The following PHIP variants were observed in gnomAD, a reference collection of about 807,000 sequenced individuals.
PHIP encodes PHIP subunit of CUL4-Ring ligase complex, also known as PH-interacting protein.
PHIP carries 54 observed loss-of-function variants against 236.8 expected under a neutral mutation model. The ratio of observed to expected loss-of-function variants is 0.23; its 90% CI spans 0.18 to 0.29. PHIP has a LOEUF of 0.29. PHIP is among the 10% of genes least tolerant of loss of function. The probability of loss-of-function intolerance (pLI) is 1.00; values close to 1 mark genes in which losing one functional copy is unlikely to be tolerated. For missense variants in PHIP, 1,370 were observed against 2,190.8 expected (o/e 0.63, Z 7.48); for synonymous variants, 756 against 718.9 (o/e 1.05, Z -0.83).
At chr6:78,990,703 A>T (rs1208286970) in intron 20 of PHIP, among the ~76,000 whole-genome samples, 165 bp downstream of exon 20, 2 of 152,212 alleles carry the variant, frequency 1.3e-5, no homozygotes, top group Admixed American at 6.5e-5. Context: ...GGAATTAAAA[A>T]TTTTAAATAG....
intron 15 of PHIP, among the ~76,000 whole-genome samples, chr6:79,012,070 T>C (rs1770605894): frequency 6.6e-6 from 1 of 151,656 alleles, no homozygotes; most frequent in Non-Finnish European, 1.5e-5. Context: ...TTTTTGGCTA[T>C]TTCTAAAATT....
Position 79,069,361 on chromosome 6 carries a change from G to T in PHIP, c.189+8087C>A, listed in dbSNP as rs183916357. ...ATTATATCTATAATCTTTAAAGAAA[G>T]AATGCATTTTCTGATTTTTTAACTG... On this transcript the variant is annotated intron_variant, in intron 4 of 39. Coordinates refer to ENST00000275034, the MANE Select transcript of PHIP (RefSeq NM_017934.7). Among the ~76,000 whole-genome samples, 549 of 151,856 alleles carry T rather than the reference G, an allele frequency of 3.6e-3. 5 individuals are homozygous for T. The highest frequency in any genetic ancestry group is 0.013 in the African/African-American group (519 of 41,466).
intron 23 of PHIP, 66 bp downstream of exon 23, chr6:78,982,820 C>G: frequency 1.1e-6 from 1 of 943,964 alleles, no homozygotes; most frequent in Non-Finnish European, 1.6e-6. Context: ...ATCAATTGTA[C>G]TTCAAGATGT....
intron 10 of PHIP, 83 bp from the exon 11 acceptor site, chr6:79,017,666 T>G (rs921061271): frequency 9.3e-5 from 84 of 901,460 alleles, no homozygotes; most frequent in Non-Finnish European, 1.4e-4. Context: ...GTAAGCAAAA[T>G]TACAGTATAT....
In PHIP at chr6:78,939,311, G is replaced by A. The variant is rs1773381684; in HGVS notation, c.*1382C>T. The A allele has an allele frequency of 6.6e-6, 1 of 151,616 alleles. No homozygotes were observed. The highest frequency in any genetic ancestry group is 2.4e-5 in the African/African-American group (1 of 41,394). The allele number at this position is 151,616 out of a possible 1,614,324, so 9.4% of individuals were successfully genotyped here. A position where few individuals can be genotyped will look rare whatever the true frequency, so the allele number is the denominator to read the frequency against. ...AGAATACAAGGCACAATCATTAAATGGAGTTTTTCTTTAGGGTGTATATTG... is the reference window on the plus strand; with the variant it reads ...AGAATACAAGGCACAATCATTAAATAGAGTTTTTCTTTAGGGTGTATATTG... On this transcript the variant is annotated 3_prime_UTR_variant, in exon 40 of 40. Coordinates refer to ENST00000275034, the MANE Select transcript of PHIP (RefSeq NM_017934.7).
intron 24 of PHIP, 85 bp from the exon 25 acceptor site, chr6:78,970,973 A>G (rs1303941434): frequency 1.9e-5 from 16 of 831,688 alleles, no homozygotes; most frequent in Non-Finnish European, 3.8e-6. Flanking sequence ...TGCAAAGAGA[A>G]AATCTAATGC....
intron 12 of PHIP, among the ~76,000 whole-genome samples, chr6:79,017,047 T>C (rs942385670): frequency 2.6e-5 from 4 of 151,976 alleles, no homozygotes; most frequent in Non-Finnish European, 4.4e-5. Context: ...TTAAATATTA[T>C]ACTGTGATAC....
intron 19 of PHIP, among the ~76,000 whole-genome samples, chr6:78,991,353 T>C (rs772494720): frequency 2.4e-4 from 29 of 121,352 alleles, no homozygotes; most frequent in Non-Finnish European, 5.1e-4. Flanking sequence ...GATAATCTTC[T>C]GTTCCATATA....
intron 39 of PHIP, among the ~76,000 whole-genome samples, chr6:78,944,203 A>C (rs1312600355): frequency 6.6e-6 from 1 of 152,124 alleles, no homozygotes; most frequent in African/African-American, 2.4e-5. Flanking sequence ...AAAGAGAGAA[A>C]GAAGGTAAAA....
chr6:79,069,284 TA>T (rs1225537312), intron 4 of PHIP, among the ~76,000 whole-genome samples: 1 of 151,172 alleles, frequency 6.6e-6, no homozygotes, highest in Non-Finnish European at 1.5e-5. Flanking sequence ...CCTAAAATTC[TA>T]AAAACATCCA....
intron 15 of PHIP, among the ~76,000 whole-genome samples, chr6:79,009,053 G>A (rs1770440700): frequency 1.3e-5 from 2 of 151,948 alleles, no homozygotes; most frequent in Non-Finnish European, 2.9e-5. Flanking sequence ...ACTAATTAAA[G>A]TAGTTGTCCT....
At chr6:78,971,813 T>A (rs1255229683) in intron 24 of PHIP, among the ~76,000 whole-genome samples, 1 of 152,158 alleles carries the variant, frequency 6.6e-6, no homozygotes, top group Non-Finnish European at 1.5e-5. Context: ...ATACTGCGCT[T>A]TTCCAATGGG....
chr6:78,965,999 T>A lies in PHIP; in HGVS notation c.3263A>T (p.Gln1088Leu). ...DAWWFGTIES[Q>L]EPLQLEYPDS... Reference sequence around the variant, plus strand: ...AGGGTACTCAAGTTGAAGAGGTTCCTGGCTTTCGATTGTTCCAAACCACCA... The same window carrying A: ...AGGGTACTCAAGTTGAAGAGGTTCCAGGCTTTCGATTGTTCCAAACCACCA... Residue 1088 changes from glutamine (Q) to leucine (L), a missense_variant, in exon 28 of 40, where the codon CAG (glutamine) becomes CTG (leucine). Gln to Leu is a moderately radical substitution (Grantham distance 113). Transcript: ENST00000275034. The A allele has an allele frequency of 6.2e-7, 1 of 1,613,898 alleles. No homozygotes were observed. The highest frequency in any genetic ancestry group is 8.5e-7 in the Non-Finnish European group (1 of 1,179,780).
At chr6:78,980,066 T>C (rs1213080025) in intron 23 of PHIP, among the ~76,000 whole-genome samples, 1 of 151,956 alleles carries the variant, frequency 6.6e-6, no homozygotes, top group African/African-American at 2.4e-5. Context: ...GGCAGAAGCA[T>C]AGTACGATCT....
At chr6:78,994,820 G>A (rs181367824) in intron 19 of PHIP, among the ~76,000 whole-genome samples, 18 of 152,310 alleles carry the variant, frequency 1.2e-4, no homozygotes, top group African/African-American at 4.3e-4. Context: ...CCAGCAAGAA[G>A]AGTATAATCA....
At chr6:79,070,351 T>G (rs753671955) in intron 4 of PHIP, among the ~76,000 whole-genome samples, 9 of 152,184 alleles carry the variant, frequency 5.9e-5, no homozygotes, top group Non-Finnish European at 1.0e-4. Flanking sequence ...GTAAATAATC[T>G]TGAATGACCA....
intron 29 of PHIP, among the ~76,000 whole-genome samples, chr6:78,965,235 CT>C (rs1205881504): frequency 2.0e-5 from 3 of 152,134 alleles, no homozygotes; most frequent in Admixed American, 6.5e-5. Flanking sequence ...AAGGTATTAG[CT>C]TTGACGGTTT....
chr6:78,989,271 T>G (rs1006580794), intron 20 of PHIP, among the ~76,000 whole-genome samples: 8 of 151,810 alleles, frequency 5.3e-5, no homozygotes, highest in South Asian at 2.1e-4. Context: ...AAAATAAAAT[T>G]TAAAGTTAGC....
At chr6:78,971,183 G>A (rs1055982000) in intron 24 of PHIP, among the ~76,000 whole-genome samples, 7 of 152,068 alleles carry the variant, frequency 4.6e-5, no homozygotes, top group Admixed American at 1.3e-4. Flanking sequence ...GCATAATAAC[G>A]TTGACTAATA....
Sources: gnomAD v4.1 joint callset for allele counts (sites outside exome capture counted in the v4.1 genomes callset) on GRCh38, gnomAD v4.1.1 for gene constraint, MANE v1.5 for transcripts, NCBI Gene and HGNC (gene_info 2026-07-23, HGNC 2026-07-21) for gene names.